DSCAM: variants seen among roughly 807,000 people sequenced by gnomAD.
The protein encoded by DSCAM is cell adhesion molecule DSCAM.
In DSCAM, 47 loss-of-function variants were observed where a neutral mutation model predicts 217.7. The ratio of observed to expected loss-of-function variants is 0.22; its 90% CI spans 0.17 to 0.28. The LOEUF (loss-of-function observed/expected upper bound fraction) is 0.28. Among genes scored for constraint, DSCAM ranks in the 10% least tolerant of loss-of-function variants. The probability of loss-of-function intolerance (pLI) is 1.00; values close to 1 mark genes in which losing one functional copy is unlikely to be tolerated. For synonymous variants in DSCAM, 1,056 were observed against 1,015.3 expected (o/e 1.04, Z -0.76); for missense variants, 2,080 against 2,618.3 (o/e 0.79, Z 4.49).
intron 27 of DSCAM, among the ~76,000 whole-genome samples, chr21:40,073,744 C>A (rs2089327281): frequency 6.6e-6 from 1 of 152,116 alleles, no homozygotes; most frequent in African/African-American, 2.4e-5. Flanking sequence ...CTACCTCCTA[C>A]CTTAAACCTA....
intron 3 of DSCAM, among the ~76,000 whole-genome samples, chr21:40,369,865 T>C (rs1012256295): frequency 6.6e-6 from 1 of 152,212 alleles, no homozygotes; most frequent in African/African-American, 2.4e-5. Flanking sequence ...TTCAGTGTTT[T>C]AGAATACTCT....
At chr21:40,560,745 G>A (rs1377378078) in intron 3 of DSCAM, among the ~76,000 whole-genome samples, 3 of 152,224 alleles carry the variant, frequency 2.0e-5, no homozygotes, top group Non-Finnish European at 4.4e-5. Flanking sequence ...AGTACCGGTT[G>A]TTTGCCCCCG....
At chr21:40,717,103 C>G (rs1485145591) in intron 1 of DSCAM, among the ~76,000 whole-genome samples, 1 of 152,212 alleles carries the variant, frequency 6.6e-6, no homozygotes, top group East Asian at 1.9e-4. Context: ...ATTCAATGCA[C>G]AGCTAAAAGT....
intron 3 of DSCAM, among the ~76,000 whole-genome samples, chr21:40,422,083 G>A (rs2075430059): frequency 6.6e-6 from 1 of 152,210 alleles, no homozygotes; most frequent in South Asian, 2.1e-4. Context: ...ATCCACTGAT[G>A]CATGTCCTGC....
chr21:40,166,171 C>G (rs2090592684), intron 16 of DSCAM, among the ~76,000 whole-genome samples: 1 of 152,030 alleles, frequency 6.6e-6, no homozygotes, highest in Non-Finnish European at 1.5e-5. Context: ...GGAAAACAAA[C>G]AAACAATCAA....
chr21:40,644,705 A>G (rs993366281), intron 3 of DSCAM, among the ~76,000 whole-genome samples: 2 of 152,062 alleles, frequency 1.3e-5, no homozygotes, highest in African/African-American at 4.8e-5. Context: ...GCCTGCTCCC[A>G]CTCTGTAGAG....
Position 40,656,317 on chromosome 21 carries a change from T to C in DSCAM, c.508+36493A>G, listed in dbSNP as rs1190552698. On this transcript the variant is annotated intron_variant, in intron 3 of 32. Coordinates refer to ENST00000400454, the MANE Select transcript of DSCAM (RefSeq NM_001389.5). The stretch of plus-strand genomic sequence containing the variant: ...CAAATGCTGATGATCTTTAGTTTCC[T>C]CACCAGCCCCTTCAAAATCCTAATG... Among the ~76,000 whole-genome samples, 4 of 152,180 alleles carry C rather than the reference T, an allele frequency of 2.6e-5. No homozygotes were observed. In the East Asian group the frequency reaches 7.7e-4, roughly 29 times the overall value.
At chr21:40,680,404 T>TA (rs1320301407) in intron 3 of DSCAM, among the ~76,000 whole-genome samples, 1 of 152,048 alleles carries the variant, frequency 6.6e-6, no homozygotes, top group African/African-American at 2.4e-5. Flanking sequence ...CACAGAGAGG[T>TA]ATTTAACTAT....
intron 11 of DSCAM, among the ~76,000 whole-genome samples, chr21:40,227,339 C>T (rs1488279405): frequency 6.6e-6 from 1 of 152,176 alleles, no homozygotes; most frequent in Non-Finnish European, 1.5e-5. Flanking sequence ...AGCCTCCCAG[C>T]TGCCACCTTC....
intron 3 of DSCAM, among the ~76,000 whole-genome samples, chr21:40,442,508 TTTTTTTTTG>T (rs1177883306): frequency 1.8e-4 from 14 of 76,956 alleles, no homozygotes; most frequent in Non-Finnish European, 3.1e-4. Flanking sequence ...GACCCCTAAT[TTTTTTTTTG>T]TTTTTTTTTT....
chr21:40,383,880 A>G (rs1409659913), intron 3 of DSCAM: 1 of 152,228 alleles, frequency 6.6e-6, no homozygotes, highest in African/African-American at 2.4e-5. Flanking sequence ...CAATGATTGC[A>G]GATATCATAA....
chr21:40,327,178 G>A (rs2074326884), intron 8 of DSCAM, among the ~76,000 whole-genome samples: 1 of 152,030 alleles, frequency 6.6e-6, no homozygotes, highest in South Asian at 2.1e-4. Context: ...TTTTCCCTGT[G>A]GTGTGTGCAC....
At chr21:40,029,223 T>G (rs898155975) in intron 32 of DSCAM, among the ~76,000 whole-genome samples, 3 of 152,104 alleles carry the variant, frequency 2.0e-5, no homozygotes, top group African/African-American at 7.2e-5. Flanking sequence ...CTTCTTATGA[T>G]GTTTATCCTG....
At chr21:40,484,139 C>A (rs996932549) in intron 3 of DSCAM, among the ~76,000 whole-genome samples, 1 of 152,202 alleles carries the variant, frequency 6.6e-6, no homozygotes, top group Non-Finnish European at 1.5e-5. Context: ...CACCTATAAA[C>A]AAAGTCCACA....
chr21:40,519,034 T>C (rs2076337850), intron 3 of DSCAM, among the ~76,000 whole-genome samples: 1 of 152,146 alleles, frequency 6.6e-6, no homozygotes, highest in African/African-American at 2.4e-5. Flanking sequence ...AGTGGTACAA[T>C]AAAATGCGGT....
chr21:40,496,459 C>A (rs1299324366), intron 3 of DSCAM, among the ~76,000 whole-genome samples: 1 of 152,118 alleles, frequency 6.6e-6, no homozygotes, highest in Non-Finnish European at 1.5e-5. Context: ...TCTGGGAAAA[C>A]AATATCCACA....
At chr21:40,818,439 A>T (rs886647567) in intron 1 of DSCAM, among the ~76,000 whole-genome samples, 2 of 146,126 alleles carry the variant, frequency 1.4e-5, no homozygotes, top group Non-Finnish European at 3.0e-5. Flanking sequence ...CCAGCTACCC[A>T]GGAGGCTGAG....
At chr21:40,808,393 G>A (rs1052152053) in intron 1 of DSCAM, among the ~76,000 whole-genome samples, 8 of 152,204 alleles carry the variant, frequency 5.3e-5, no homozygotes, top group African/African-American at 1.9e-4. Flanking sequence ...GAACCACAGA[G>A]TGGTCAAGCT....
intron 1 of DSCAM, among the ~76,000 whole-genome samples, chr21:40,809,088 G>T (rs2091814352): frequency 6.6e-6 from 1 of 152,068 alleles, no homozygotes; most frequent in Non-Finnish European, 1.5e-5. Context: ...GGGCAGGACA[G>T]GGGTCTCATC....
Sources: allele counts gnomAD v4.1 joint callset (sites outside exome capture counted in the v4.1 genomes callset), GRCh38; gene constraint gnomAD v4.1.1; transcripts MANE v1.5; gene names NCBI Gene and HGNC (gene_info 2026-07-23, HGNC 2026-07-21).